Variants in SH3BGRL observed in about 807,000 individuals in gnomAD.
The protein encoded by SH3BGRL is SH3 domain binding glutamate rich protein like.
A neutral mutation model predicts 9.8 loss-of-function variants in SH3BGRL; 7 were observed. That is an observed-to-expected ratio of 0.72 (90% CI 0.41 to 1.35). The LOEUF (loss-of-function observed/expected upper bound fraction) is 1.35. SH3BGRL is among the 40% of genes most tolerant of loss of function. The pLI is 0.01. For missense variants in SH3BGRL, 73 were observed against 84.4 expected (o/e 0.86, Z 0.53); for synonymous variants, 36 against 29.1 (o/e 1.24, Z -0.76).
intron 1 of SH3BGRL, among the ~76,000 whole-genome samples, chrX:81,215,587 G>T (rs1476910667): frequency 9.0e-6 from 1 of 111,058 alleles, no homozygotes; most frequent in Non-Finnish European, 1.9e-5. Flanking sequence ...AAATAAGAAA[G>T]GAGTCAAGGC....
chrX:81,203,116 G>A (rs1365754810), intron 1 of SH3BGRL, among the ~76,000 whole-genome samples: 1 of 111,352 alleles, frequency 9.0e-6, no homozygotes, highest in Non-Finnish European at 1.9e-5. Context: ...ATGATAAACT[G>A]GGGTGCAAGA....
chrX:81,251,822 G>A (rs1398625332), intron 1 of SH3BGRL, among the ~76,000 whole-genome samples: 1 of 111,805 alleles, frequency 8.9e-6, no homozygotes, highest in Admixed American at 9.5e-5. Flanking sequence ...CCACTGCTAG[G>A]ATATTTCATA....
At chrX:81,227,922 TG>T (rs1222036230) in intron 1 of SH3BGRL, among the ~76,000 whole-genome samples, 1 of 111,736 alleles carries the variant, frequency 8.9e-6, no homozygotes, top group African/African-American at 3.3e-5. Flanking sequence ...AAATAAACTG[TG>T]ACCACGATGC....
Position 81,265,984 on chromosome X carries a change from A to G in SH3BGRL, c.46-11000A>G, listed in dbSNP as rs148711694. ...ATTTTTTCATGTGTTTGTTGGCTGC[A>G]TAAATGTCTTCTTTTGAGATGTGTC... On this transcript the variant is annotated intron_variant, in intron 1 of 3. Transcript: ENST00000373212. 1.4e-4 allele frequency among the ~76,000 whole-genome samples: 16 copies of G among 112,536 alleles called. 1 individual carries two copies. In the East Asian group the frequency reaches 4.4e-3, roughly 31 times the overall value.
At chrX:81,205,225 T>C (rs939150010) in intron 1 of SH3BGRL, among the ~76,000 whole-genome samples, 2 of 110,556 alleles carry the variant, frequency 1.8e-5, no homozygotes, top group African/African-American at 6.6e-5. Flanking sequence ...AATCCTTCTT[T>C]CCCCCTACCC....
At chrX:81,281,067 A>C (rs1197397452) in intron 3 of SH3BGRL, among the ~76,000 whole-genome samples, 1 of 111,172 alleles carries the variant, frequency 9.0e-6, no homozygotes, top group Non-Finnish European at 1.9e-5. Context: ...AAGTAGAAGA[A>C]AGAAATTAAG....
intron 1 of SH3BGRL, among the ~76,000 whole-genome samples, chrX:81,214,066 C>G (rs2075574081): frequency 8.9e-6 from 1 of 112,170 alleles, no homozygotes; most frequent in African/African-American, 3.2e-5. Context: ...GTGAAAGAAA[C>G]AGGAACAGCA....
chrX:81,297,395 A>G lies in SH3BGRL; in HGVS notation c.*168A>G. On this transcript the variant is annotated 3_prime_UTR_variant, in exon 4 of 4. Coordinates refer to ENST00000373212, the MANE Select transcript of SH3BGRL (RefSeq NM_003022.3). The stretch of plus-strand genomic sequence containing the variant: ...ATGAATACAAAATTAAAATTTGAAC[A>G]TTATGGTGATTATGGTGAGGAGAAT... 1 of 397,773 alleles carries G rather than the reference A, an allele frequency of 2.5e-6. No individual in the cohort carries two copies. The highest frequency in any genetic ancestry group is 4.4e-6 in the Non-Finnish European group (1 of 225,840). 32.8% of individuals were successfully genotyped at this position (397,773 alleles called of 1,213,427 possible). A position where few individuals can be genotyped will look rare whatever the true frequency, so the allele number is the denominator to read the frequency against.
chrX:81,214,739 C>A (rs1362962548), intron 1 of SH3BGRL, among the ~76,000 whole-genome samples: 1 of 111,752 alleles, frequency 8.9e-6, no homozygotes, highest in Non-Finnish European at 1.9e-5. Context: ...TTATTACCCT[C>A]GTAAAAAATA....
rs1359832069 is a variant in SH3BGRL, at chrX:81,242,094, C to T, written c.46-34890C>T. Among the ~76,000 whole-genome samples, 3 of 112,538 alleles carry T rather than the reference C, an allele frequency of 2.7e-5. No individual in the cohort carries two copies. In the East Asian group the frequency reaches 8.4e-4, roughly 31 times the overall value. On this transcript the variant is annotated intron_variant, in intron 1 of 3. Coordinates refer to ENST00000373212, the MANE Select transcript of SH3BGRL (RefSeq NM_003022.3). ...TAAGAACTTGTAAGTAATACTGAAG[C>T]AGAAGGTGCTGCCAGCTACAGAGTT...
At chrX:81,269,620 C>T (rs925571552) in intron 1 of SH3BGRL, among the ~76,000 whole-genome samples, 4 of 111,474 alleles carry the variant, frequency 3.6e-5, no homozygotes, top group African/African-American at 1.3e-4. Context: ...TTGTGGGTAA[C>T]CCGACCTTTC....
At chrX:81,291,549 C>T (rs1259704220) in intron 3 of SH3BGRL, among the ~76,000 whole-genome samples, 1 of 111,578 alleles carries the variant, frequency 9.0e-6, no homozygotes, top group African/African-American at 3.3e-5. Flanking sequence ...TATCATTATG[C>T]CTCTGGCCCC....
chrX:81,279,073 C>G (rs1814228655), intron 3 of SH3BGRL, among the ~76,000 whole-genome samples: 1 of 112,066 alleles, frequency 8.9e-6, no homozygotes, highest in Non-Finnish European at 1.9e-5. Context: ...GTCTCTTGCT[C>G]TGTCATTTTA....
chrX:81,274,434 A>C (rs1327299993), intron 1 of SH3BGRL, among the ~76,000 whole-genome samples: 12 of 110,380 alleles, frequency 1.1e-4, no homozygotes, highest in African/African-American at 3.0e-4. Flanking sequence ...AACATGGTGA[A>C]ACCCCGTCTC....
chrX:81,204,951 A>T, intron 1 of SH3BGRL, among the ~76,000 whole-genome samples: 1 of 112,719 alleles, frequency 8.9e-6, no homozygotes, highest in Non-Finnish European at 1.9e-5. Context: ...TTGATATATC[A>T]TAATTGTGCA....
At chrX:81,220,422 G>T in intron 1 of SH3BGRL, among the ~76,000 whole-genome samples, 1 of 111,114 alleles carries the variant, frequency 9.0e-6, no homozygotes. Context: ...GCTCATAGTA[G>T]CCTCTAATGA....
At chrX:81,264,051 G>A (rs920777234) in intron 1 of SH3BGRL, among the ~76,000 whole-genome samples, 2 of 109,938 alleles carry the variant, frequency 1.8e-5, no homozygotes, top group Non-Finnish European at 3.8e-5. Context: ...TTAGGACTTC[G>A]TTGAAGTCAG....
chrX:81,202,125 G>C lies in SH3BGRL; in HGVS notation c.-76G>C, dbSNP rs2075529487. 1.1e-5 allele frequency: 11 copies of C among 1,040,841 alleles called. No individual in the cohort carries two copies. Among genetic ancestry groups the C allele is most frequent in the East Asian group, 3.1e-5 (1 of 32,285 alleles). 85.8% of individuals were successfully genotyped at this position (1,040,841 alleles called of 1,213,427 possible). A position where few individuals can be genotyped will look rare whatever the true frequency, so the allele number is the denominator to read the frequency against. ...CTGCCAACCGCTGTTTCAGCCCCTA[G>C]CTGGATTCCAGCCATTGCTGCAGCT... On this transcript the variant is annotated 5_prime_UTR_variant, in exon 1 of 4. Transcript: ENST00000373212.
intron 1 of SH3BGRL, among the ~76,000 whole-genome samples, chrX:81,272,643 G>A (rs1602622423): frequency 9.2e-6 from 1 of 109,143 alleles, no homozygotes; most frequent in Admixed American, 9.7e-5. Context: ...GGGACTTCAG[G>A]TGCCTGACAC....
Sources: allele counts gnomAD v4.1 joint callset (sites outside exome capture counted in the v4.1 genomes callset), GRCh38; gene constraint gnomAD v4.1.1; transcripts MANE v1.5; gene names NCBI Gene and HGNC (gene_info 2026-07-23, HGNC 2026-07-21).